Variants in SENP2 observed in about 807,000 individuals in gnomAD.
SENP2 encodes sentrin-specific protease 2.
In SENP2, 16 loss-of-function variants were observed where a neutral mutation model predicts 86.3. The observed-to-expected ratio is 0.19, with a 90% confidence interval of 0.13 to 0.28. The LOEUF (loss-of-function observed/expected upper bound fraction) is 0.28. SENP2 is among the 10% of genes least tolerant of loss of function. The pLI is 1.00. For missense variants in SENP2, 552 were observed against 703.0 expected (o/e 0.79, Z 2.43); for synonymous variants, 222 against 238.7 (o/e 0.93, Z 0.64).
At chr3:185,595,463 C>T (rs1722146394) in intron 2 of SENP2, among the ~76,000 whole-genome samples, 2 of 152,212 alleles carry the variant, frequency 1.3e-5, no homozygotes, top group African/African-American at 4.8e-5. Context: ...GCAAATTTCT[C>T]AAATTGGATT....
At chr3:185,611,595 A>G (rs1213626792) in intron 7 of SENP2, 56 bp from the exon 8 acceptor site, 3 of 1,115,666 alleles carry the variant, frequency 2.7e-6, no homozygotes, top group East Asian at 4.7e-5. Context: ...GATAATGCAT[A>G]TTAATGGTAG....
At chr3:185,624,601 C>A (rs976977902) in intron 15 of SENP2, among the ~76,000 whole-genome samples, 1 of 151,996 alleles carries the variant, frequency 6.6e-6, no homozygotes, top group Non-Finnish European at 1.5e-5. Context: ...TTGGGCCAGG[C>A]GCGGTGGCTC....
intron 11 of SENP2, 34 bp from the exon 12 acceptor site, chr3:185,617,446 A>G: frequency 6.4e-7 from 1 of 1,574,572 alleles, no homozygotes; most frequent in Non-Finnish European, 8.6e-7. Context: ...ATGGTTCTAT[A>G]TTAAAATAGC....
chr3:185,613,103 G>A (rs916161194), intron 9 of SENP2, among the ~76,000 whole-genome samples: 3 of 152,206 alleles, frequency 2.0e-5, no homozygotes, highest in Non-Finnish European at 2.9e-5. Flanking sequence ...TTTACATACT[G>A]TCTGGCTGCT....
At chr3:185,596,298 G>A (rs900373447) in intron 2 of SENP2, among the ~76,000 whole-genome samples, 4 of 152,058 alleles carry the variant, frequency 2.6e-5, no homozygotes, top group Admixed American at 1.3e-4. Context: ...TAGAGGGATA[G>A]TCTTGTTCTA....
At chr3:185,590,867 C>CAAAAA (rs1196821162) in intron 2 of SENP2, among the ~76,000 whole-genome samples, 8 of 13,366 alleles carry the variant, frequency 6.0e-4, no homozygotes, top group East Asian at 2.8e-3. Flanking sequence ...CACTCCATCT[C>CAAAAA]AAAAAAAAAA....
chr3:185,623,928 C>A (rs1712015545), intron 14 of SENP2, 70 bp from the exon 15 acceptor site: 1 of 819,478 alleles, frequency 1.2e-6, no homozygotes, highest in Non-Finnish European at 2.0e-6. Flanking sequence ...ATCAGAAAGC[C>A]CTATGTAACC....
chr3:185,597,748 G>T (rs1035520636), intron 2 of SENP2, among the ~76,000 whole-genome samples: 1 of 151,702 alleles, frequency 6.6e-6, no homozygotes, highest in Non-Finnish European at 1.5e-5. Flanking sequence ...CTGCCTCCTG[G>T]GTTCAAGCGA....
intron 1 of SENP2, among the ~76,000 whole-genome samples, chr3:185,587,093 G>T (rs1449427529): frequency 6.6e-6 from 1 of 152,124 alleles, no homozygotes; most frequent in African/African-American, 2.4e-5. Flanking sequence ...CTTAAATTCG[G>T]TTAAAATTTG....
At chr3:185,608,703 G>A (rs1361485726) in intron 6 of SENP2, among the ~76,000 whole-genome samples, 22 of 152,146 alleles carry the variant, frequency 1.4e-4, no homozygotes, top group Admixed American at 1.4e-3. Context: ...GTAGGCAGAA[G>A]GAATAATCTC....
intron 9 of SENP2, 101 bp downstream of exon 9, chr3:185,612,759 C>T: frequency 1.2e-6 from 1 of 829,028 alleles, no homozygotes; most frequent in Non-Finnish European, 1.9e-6. Context: ...TGTGAACTCT[C>T]TTGAGTTCTG....
chr3:185,588,050 A>T (rs1197228548), intron 1 of SENP2, among the ~76,000 whole-genome samples: 2 of 64,788 alleles, frequency 3.1e-5, no homozygotes, highest in African/African-American at 7.4e-5. Context: ...CTACCGGCTA[A>T]TTTTTTTTTT....
At chr3:185,606,766 G>A (rs1428415375) in intron 6 of SENP2, 1 of 511,492 alleles carries the variant, frequency 2.0e-6, no homozygotes, top group Admixed American at 2.8e-5. Flanking sequence ...GCCTATAGCG[G>A]CCACGTGTGC....
At chr3:185,590,461 T>G (rs1342943709) in intron 2 of SENP2, among the ~76,000 whole-genome samples, 1 of 151,494 alleles carries the variant, frequency 6.6e-6, no homozygotes, top group Non-Finnish European at 1.5e-5. Context: ...GGCAGGAGAA[T>G]CGCTTGAACC....
At chr3:185,590,935 C>A (rs1473589844) in intron 2 of SENP2, among the ~76,000 whole-genome samples, 1 of 55,896 alleles carries the variant, frequency 1.8e-5, no homozygotes, top group Non-Finnish European at 3.0e-5. Context: ...GAGACAGAGT[C>A]TTGCTCTGTC....
Position 185,606,386 on chromosome 3 carries a change from A to G in SENP2, c.506A>G (p.Lys169Arg), listed in dbSNP as rs553111706. The G allele has an allele frequency of 1.9e-6, 3 of 1,613,728 alleles. No homozygotes were observed. The highest frequency in any genetic ancestry group is 1.7e-5 in the Admixed American group (1 of 59,938). The part of the protein sequence containing the change: ...NRRPGGRRHS[K>R]GNPESSLMWK... ...AGACCAGGTGGCCGTCGCCATAGCAAAGGTAATCCAGAGAGTTCTTTAATG... is the reference window on the plus strand; with the variant it reads ...AGACCAGGTGGCCGTCGCCATAGCAGAGGTAATCCAGAGAGTTCTTTAATG... Residue 169 changes from lysine to arginine, a missense_variant, in exon 6 of 17, where the codon AAA becomes AGA. By Grantham distance (26) the Lys-to-Arg change is conservative. Coordinates refer to ENST00000296257, the MANE Select transcript of SENP2 (RefSeq NM_021627.3).
At chr3:185,596,428 TG>T (rs1180572508) in intron 2 of SENP2, among the ~76,000 whole-genome samples, 1 of 152,048 alleles carries the variant, frequency 6.6e-6, no homozygotes, top group African/African-American at 2.4e-5. Context: ...CAGACCAGCC[TG>T]GGCAACATAG....
chr3:185,624,296 T>C (rs888936628), intron 15 of SENP2, among the ~76,000 whole-genome samples: 1 of 151,958 alleles, frequency 6.6e-6, no homozygotes, highest in Non-Finnish European at 1.5e-5. Flanking sequence ...GGATTACAGG[T>C]GTGAGCCACC....
rs1712491859 is a variant in SENP2, at chr3:185,631,742, C to G, written c.*1898C>G. 1 of 145,392 alleles carries G rather than the reference C, an allele frequency of 6.9e-6. No individual in the cohort carries two copies. The highest frequency in any genetic ancestry group is 1.5e-5 in the Non-Finnish European group (1 of 66,768). The allele number at this position is 145,392 out of a possible 1,614,324, so 9.0% of individuals were successfully genotyped here. On this transcript the variant is annotated 3_prime_UTR_variant, in exon 17 of 17. Coordinates refer to ENST00000296257, the MANE Select transcript of SENP2 (RefSeq NM_021627.3). ...AGCATCATACCAAACGCCTGGCTTT[C>G]ACCAGGCATCAGTGTGCTTCACTTG...
Sources: gnomAD v4.1 joint callset for allele counts (sites outside exome capture counted in the v4.1 genomes callset) on GRCh38, gnomAD v4.1.1 for gene constraint, MANE v1.5 for transcripts, NCBI Gene and HGNC (gene_info 2026-07-23, HGNC 2026-07-21) for gene names.